BACH2: variants seen among roughly 807,000 people sequenced by gnomAD.
BACH2 encodes the protein transcription regulator protein BACH2.
BACH2 carries 5 observed loss-of-function variants against 61.8 expected under a neutral mutation model. The observed-to-expected ratio is 0.08, with a 90% CI of 0.04 to 0.17. The LOEUF (loss-of-function observed/expected upper bound fraction) is 0.17. BACH2 is among the 10% of genes least tolerant of loss of function. The probability of loss-of-function intolerance (pLI) is 1.00; values close to 1 mark genes in which losing one functional copy is unlikely to be tolerated. For missense variants in BACH2, 824 were observed against 1,091.1 expected (o/e 0.76, Z 3.45); for synonymous variants, 446 against 440.1 (o/e 1.01, Z -0.17).
rs555851400 is a variant in BACH2 at position 90,056,752 on chromosome 6, C to T, written c.-13+32209G>A. Among the ~76,000 whole-genome samples, 15 of 152,290 alleles carry T rather than the reference C, an allele frequency of 9.8e-5. No individual in the cohort carries two copies. In the South Asian group the frequency reaches 2.7e-3, roughly 27 times the overall value. Reference sequence around the variant, plus strand: ...GCACTCCTCAGCAAATGTAGAAGAACAGAAATTATAACAAACTGTCTCTCA... The same window carrying T: ...GCACTCCTCAGCAAATGTAGAAGAATAGAAATTATAACAAACTGTCTCTCA... On this transcript the variant is annotated intron_variant, in intron 5 of 8. Coordinates refer to ENST00000257749, the MANE Select transcript of BACH2 (RefSeq NM_021813.4).
At position 90,054,926 on chromosome 6, in the gene BACH2, G is replaced by A. The variant is rs887749800; in HGVS notation, c.-13+34035C>T. On this transcript the variant is annotated intron_variant, in intron 5 of 8. Coordinates refer to ENST00000257749, the MANE Select transcript of BACH2 (RefSeq NM_021813.4). The stretch of plus-strand genomic sequence containing the variant: ...CAGCTGAGGGTCCTGTCTGTTAGAA[G>A]GAAAACTAACAAACGGAAAGGACAT... 1.3e-5 allele frequency among the ~76,000 whole-genome samples: 2 copies of A among 152,128 alleles called. 1 individual carries two copies. The highest frequency in any genetic ancestry group is 1.3e-4 in the Admixed American group (2 of 15,274).
chr6:90,111,731 C>T (rs1354419376), intron 4 of BACH2, among the ~76,000 whole-genome samples: 2 of 152,186 alleles, frequency 1.3e-5, no homozygotes, highest in Non-Finnish European at 2.9e-5. Context: ...TTGCTCTCAT[C>T]GTTCTCTGAA....
chr6:90,270,908 C>T (rs534324191), intron 2 of BACH2, among the ~76,000 whole-genome samples: 1 of 151,830 alleles, frequency 6.6e-6, no homozygotes, highest in South Asian at 2.1e-4. Flanking sequence ...AACAGAGAAT[C>T]CGGAAATAAA....
At chr6:89,991,766 T>C (rs1409024698) in intron 6 of BACH2, among the ~76,000 whole-genome samples, 1 of 152,064 alleles carries the variant, frequency 6.6e-6, no homozygotes, top group African/African-American at 2.4e-5. Flanking sequence ...TTACATTTGG[T>C]CTCATTAGTC....
At chr6:89,935,172 G>A (rs1030871929) in intron 8 of BACH2, among the ~76,000 whole-genome samples, 1 of 152,084 alleles carries the variant, frequency 6.6e-6, no homozygotes, top group African/African-American at 2.4e-5. Context: ...TTGGGGAGAG[G>A]TGGAAGCTGC....
chr6:89,999,224 A>C (rs910431137), intron 6 of BACH2, among the ~76,000 whole-genome samples: 1 of 152,236 alleles, frequency 6.6e-6, no homozygotes, highest in Admixed American at 6.5e-5. Context: ...CTGCACTTGT[A>C]TTGGCAAATG....
chr6:90,257,774 CATTT>C (rs1179749279), intron 2 of BACH2, among the ~76,000 whole-genome samples: 1 of 151,780 alleles, frequency 6.6e-6, no homozygotes, highest in South Asian at 2.1e-4. Context: ...GGTGTAGTCC[CATTT>C]ATTTATTTTA....
chr6:90,248,451 C>T (rs997311493), intron 3 of BACH2, among the ~76,000 whole-genome samples: 2 of 151,886 alleles, frequency 1.3e-5, no homozygotes, highest in Admixed American at 6.6e-5. Flanking sequence ...ATTAAAGAAA[C>T]AAATGTATGG....
At chr6:90,077,580 A>G (rs1301781491) in intron 5 of BACH2, among the ~76,000 whole-genome samples, 1 of 152,174 alleles carries the variant, frequency 6.6e-6, no homozygotes, top group African/African-American at 2.4e-5. Flanking sequence ...TATATAAATT[A>G]TAAGTCACAA....
At chr6:90,011,104 T>C (rs1348030892) in intron 5 of BACH2, among the ~76,000 whole-genome samples, 2 of 152,182 alleles carry the variant, frequency 1.3e-5, no homozygotes, top group Non-Finnish European at 2.9e-5. Flanking sequence ...AAAACCATCT[T>C]GGTGTCACAT....
intron 5 of BACH2, among the ~76,000 whole-genome samples, chr6:90,073,796 G>A (rs1440415026): frequency 6.6e-6 from 1 of 152,170 alleles, no homozygotes; most frequent in Non-Finnish European, 1.5e-5. Context: ...TCCCTTCAGA[G>A]CAGGATTATT....
At chr6:89,971,817 G>A (rs1211032819) in intron 6 of BACH2, among the ~76,000 whole-genome samples, 1 of 152,116 alleles carries the variant, frequency 6.6e-6, no homozygotes, top group Non-Finnish European at 1.5e-5. Flanking sequence ...AGAACAGTAT[G>A]GGGGAAACCG....
chr6:90,268,003 CTTTT>C lies in BACH2; in HGVS notation c.-353+3842_-353+3845del, dbSNP rs1317612336. ...AAACAGCATTTTTTTCTGCACTTGC[CTTTT>C]TTGTTTTTTTTTTTTTTTCAAGACA... On this transcript the variant is annotated intron_variant, in intron 2 of 8. Coordinates refer to ENST00000257749, the MANE Select transcript of BACH2 (RefSeq NM_021813.4). 2.2e-5 allele frequency among the ~76,000 whole-genome samples: 3 copies of C among 134,318 alleles called. No individual in the cohort carries two copies. The Admixed American group carries it at 2.3e-4, about 10-fold the overall frequency. The allele number at this position is 134,318 out of a possible 152,430, so 88.1% of individuals were successfully genotyped here.
chr6:90,259,862 C>T (rs1409981077), intron 2 of BACH2, among the ~76,000 whole-genome samples: 2 of 152,098 alleles, frequency 1.3e-5, no homozygotes, highest in South Asian at 2.1e-4. Context: ...TATAATTGTT[C>T]GTAATAGGGA....
chr6:90,004,347 G>A (rs1562361408), intron 6 of BACH2, among the ~76,000 whole-genome samples: 1 of 152,148 alleles, frequency 6.6e-6, no homozygotes, highest in Non-Finnish European at 1.5e-5. Flanking sequence ...GCACAAACCT[G>A]AAATCTATTT....
At chr6:90,107,264 T>C (rs944164919) in intron 4 of BACH2, among the ~76,000 whole-genome samples, 6 of 151,648 alleles carry the variant, frequency 4.0e-5, no homozygotes, top group Admixed American at 2.6e-4. Flanking sequence ...CCCAGCTACT[T>C]GGGGGACTGA....
At chr6:90,116,040 C>A (rs1405132166) in intron 4 of BACH2, among the ~76,000 whole-genome samples, 2 of 152,032 alleles carry the variant, frequency 1.3e-5, no homozygotes, top group African/African-American at 4.8e-5. Flanking sequence ...AAAAGGGAAC[C>A]CTTACACACT....
chr6:89,936,811 C>T (rs937335067), intron 8 of BACH2, among the ~76,000 whole-genome samples: 1 of 152,150 alleles, frequency 6.6e-6, no homozygotes, highest in Non-Finnish European at 1.5e-5. Flanking sequence ...CTTGTGCTTT[C>T]GTTCTCATTA....
intron 8 of BACH2, among the ~76,000 whole-genome samples, chr6:89,933,234 T>C (rs1772787703): frequency 6.6e-6 from 1 of 152,172 alleles, no homozygotes; most frequent in Non-Finnish European, 1.5e-5. Flanking sequence ...TGAAAAACTC[T>C]CAGTCCCAAT....
Sources: allele counts gnomAD v4.1 joint callset (sites outside exome capture counted in the v4.1 genomes callset), GRCh38; gene constraint gnomAD v4.1.1; transcripts MANE v1.5; gene names NCBI Gene and HGNC (gene_info 2026-07-23, HGNC 2026-07-21).